The following MCU variants were observed in gnomAD, a reference collection of about 807,000 sequenced individuals.
MCU encodes the protein mitochondrial calcium uniporter.
A neutral mutation model predicts 45.2 loss-of-function variants in MCU; 12 were observed. The ratio of observed to expected loss-of-function variants is 0.27; its 90% CI spans 0.17 to 0.43. MCU has a LOEUF of 0.43. Ranked by LOEUF, MCU falls within the 20% of genes least tolerant of loss-of-function variation. The pLI, the probability that MCU is intolerant of heterozygous loss-of-function variation, is 1.00. For missense variants in MCU, 324 were observed against 436.7 expected, an observed-to-expected ratio of 0.74 and a Z score of 2.30; for synonymous variants, 160 against 165.1, an observed-to-expected ratio of 0.97 and a Z score of 0.24.
chr10:72,701,418 G>C (rs1173204778), intron 1 of MCU, among the ~76,000 whole-genome samples: 1 of 152,176 alleles, frequency 6.6e-6, no homozygotes, highest in Non-Finnish European at 1.5e-5. Context: ...ACTGTTCTGG[G>C]TGTCAGTGTG....
chr10:72,694,043 CTG>C (rs2132639843), intron 1 of MCU, among the ~76,000 whole-genome samples: 2 of 152,304 alleles, frequency 1.3e-5, no homozygotes, highest in Admixed American at 6.5e-5. Context: ...AAGGTGTTCT[CTG>C]TGCTATTCTA....
intron 2 of MCU, among the ~76,000 whole-genome samples, chr10:72,855,573 C>T (rs1340230554): frequency 6.6e-6 from 1 of 151,956 alleles, no homozygotes; most frequent in Non-Finnish European, 1.5e-5. Context: ...CAGATTAGGA[C>T]CCTGTCTCTA....
At chr10:72,727,094 G>T (rs1221389132) in intron 1 of MCU, among the ~76,000 whole-genome samples, 1 of 152,156 alleles carries the variant, frequency 6.6e-6, no homozygotes, top group East Asian at 1.9e-4. Context: ...TTTAAAGTGG[G>T]TATCCACTTG....
At chr10:72,884,441 A>G in intron 7 of MCU, 59 bp downstream of exon 7, 1 of 926,580 alleles carries the variant, frequency 1.1e-6, no homozygotes, top group East Asian at 2.4e-5. Context: ...TATTATTATT[A>G]TCCACAGCCA....
chr10:72,706,942 G>A (rs987283643), intron 1 of MCU, among the ~76,000 whole-genome samples: 2 of 142,596 alleles, frequency 1.4e-5, no homozygotes, highest in African/African-American at 5.3e-5. Context: ...TGATTCTCCT[G>A]CCTCAGCCTC....
In MCU at chr10:72,707,606, G is replaced by GGTGTGT. The variant is rs373225323; in HGVS notation, c.150+15342_150+15347dup. 8.2e-3 allele frequency among the ~76,000 whole-genome samples: 1,105 copies of GGTGTGT among 135,016 alleles called. 22 individuals are homozygous for GGTGTGT. The highest frequency in any genetic ancestry group is 0.05 in the South Asian group (217 of 4,364). The allele number at this position is 135,016 out of a possible 152,430, so 88.6% of individuals were successfully genotyped here. A position where few individuals can be genotyped will look rare whatever the true frequency, so the allele number is the denominator to read the frequency against. On this transcript the variant is annotated intron_variant, in intron 1 of 7. Transcript: ENST00000373053. Reference sequence around the variant, plus strand: ...AAATGAAGAGGTGGTCGTGGTGAGTGGTGTGTGTGTGTGTGTGTGTGTGTG... The same window carrying GGTGTGT: ...AAATGAAGAGGTGGTCGTGGTGAGTGGTGTGTGTGTGTGTGTGTGTGTGTGTGTGTG...
chr10:72,813,014 G>T (rs1214754656), intron 1 of MCU, among the ~76,000 whole-genome samples: 1 of 152,040 alleles, frequency 6.6e-6, no homozygotes, highest in Non-Finnish European at 1.5e-5. Flanking sequence ...TAACATGAGG[G>T]TTCCTTGCTG....
At chr10:72,699,516 G>GA (rs909855480) in intron 1 of MCU, among the ~76,000 whole-genome samples, 2 of 151,188 alleles carry the variant, frequency 1.3e-5, no homozygotes, top group African/African-American at 4.9e-5. Flanking sequence ...CGGAAAAAGG[G>GA]AAAAAAAAGA....
chr10:72,832,647 C>T (rs935422596), intron 1 of MCU, among the ~76,000 whole-genome samples: 1 of 152,006 alleles, frequency 6.6e-6, no homozygotes, highest in Non-Finnish European at 1.5e-5. Flanking sequence ...AAGTTAATAC[C>T]TCAAAACAAA....
chr10:72,744,058 ATG>A (rs1843375013), intron 1 of MCU, among the ~76,000 whole-genome samples: 1 of 151,054 alleles, frequency 6.6e-6, no homozygotes, highest in South Asian at 2.1e-4. Context: ...AAACATATAT[ATG>A]TTATTTATAT....
chr10:72,850,587 T>G (rs1348929723), intron 2 of MCU, among the ~76,000 whole-genome samples: 1 of 152,248 alleles, frequency 6.6e-6, no homozygotes, highest in Non-Finnish European at 1.5e-5. Flanking sequence ...TATGACTGTT[T>G]TTTTCAACTC....
intron 2 of MCU, among the ~76,000 whole-genome samples, chr10:72,856,936 CAAAAAA>C (rs71021541): frequency 1.3e-5 from 1 of 79,684 alleles, no homozygotes; most frequent in Non-Finnish European, 2.4e-5. Flanking sequence ...CAAGATGTCT[CAAAAAA>C]AAAAAAAAAA....
intron 1 of MCU, among the ~76,000 whole-genome samples, chr10:72,797,446 G>C (rs1457933026): frequency 6.6e-6 from 1 of 150,910 alleles, no homozygotes; most frequent in Non-Finnish European, 1.5e-5. Context: ...GACTGGTCTC[G>C]AACTCCTGGC....
rs11000408 is a variant in MCU, at chr10:72,752,507, T to C, written c.150+60206T>C. ...AATGACGTTGAAAACATTCTTTTCT[T>C]AGTACTGTATTGATAAATGTGTGGC... On this transcript the variant is annotated intron_variant, in intron 1 of 7. Coordinates refer to ENST00000373053, the MANE Select transcript of MCU (RefSeq NM_138357.3). Among the ~76,000 whole-genome samples the C allele has an allele frequency of 1.5e-3, 225 of 152,340 alleles. 4 individuals are homozygous for C. The East Asian group carries it at 0.036, about 25-fold the overall frequency.
intron 1 of MCU, among the ~76,000 whole-genome samples, chr10:72,752,420 A>G (rs1012475630): frequency 6.6e-6 from 1 of 152,172 alleles, no homozygotes; most frequent in African/African-American, 2.4e-5. Context: ...TGAATGGGCA[A>G]AATAATCCAC....
chr10:72,787,539 G>A (rs1305247424), intron 1 of MCU, among the ~76,000 whole-genome samples: 1 of 152,124 alleles, frequency 6.6e-6, no homozygotes, highest in East Asian at 1.9e-4. Flanking sequence ...AAAGTGCTGA[G>A]ATTATAGGCA....
At chr10:72,716,715 TAA>T (rs879381622) in intron 1 of MCU, among the ~76,000 whole-genome samples, 6 of 140,644 alleles carry the variant, frequency 4.3e-5, no homozygotes, top group Admixed American at 7.1e-5. Flanking sequence ...GAGGCCCCAT[TAA>T]AAAAAAAAAA....
chr10:72,735,388 A>G (rs1843239126), intron 1 of MCU, among the ~76,000 whole-genome samples: 1 of 152,186 alleles, frequency 6.6e-6, no homozygotes, highest in Non-Finnish European at 1.5e-5. Flanking sequence ...GTGTTATTGT[A>G]GATGGATGTG....
chr10:72,792,540 GA>G (rs1035698171), intron 1 of MCU, among the ~76,000 whole-genome samples: 4 of 152,136 alleles, frequency 2.6e-5, no homozygotes, highest in African/African-American at 9.7e-5. Context: ...CCTGCCAGTG[GA>G]TCAGTTCCCA....
Sources: gnomAD v4.1 joint callset for allele counts (sites outside exome capture counted in the v4.1 genomes callset) on GRCh38, gnomAD v4.1.1 for gene constraint, MANE v1.5 for transcripts, NCBI Gene and HGNC (gene_info 2026-07-23, HGNC 2026-07-21) for gene names.